Variants in TMEM63B observed in about 807,000 individuals in gnomAD.
TMEM63B encodes transmembrane protein 63B.
A neutral mutation model predicts 102.6 loss-of-function variants in TMEM63B; 23 were observed. The ratio of observed to expected loss-of-function variants is 0.22; its 90% CI spans 0.16 to 0.32. The LOEUF (loss-of-function observed/expected upper bound fraction) is 0.32, where lower values mean the gene tolerates loss of function less well. Ranked by LOEUF, TMEM63B falls within the 10% of genes least tolerant of loss-of-function variation. TMEM63B has a pLI of 1.00. For synonymous variants in TMEM63B, 444 were observed against 437.0 expected, an observed-to-expected ratio of 1.02 and a Z score of -0.20; for missense variants, 628 against 1,095.9, an observed-to-expected ratio of 0.57 and a Z score of 6.03.
chr6:44,149,818 C>G (rs1396353244), intron 15 of TMEM63B, 41 bp from the exon 16 acceptor site: 2 of 1,548,118 alleles, frequency 1.3e-6, no homozygotes, highest in Non-Finnish European at 1.8e-6. Flanking sequence ...CCTGGGCCCC[C>G]TAGACTGCCC....
chr6:44,149,066 A>G lies in TMEM63B; in HGVS notation c.1413+121A>G, dbSNP rs1766016272. ...TGCTTGTTCCAACCCCGTGCCACCA[A>G]CCAGCTCCCAAAAACCCCTGTGTGC... On this transcript the variant is annotated intron_variant, in intron 15 of 23. Transcript: ENST00000323267. 1.1e-5 allele frequency: 17 copies of G among 1,489,176 alleles called. No homozygotes were observed. The South Asian group carries it at 1.4e-4, about 12-fold the overall frequency. 92.2% of individuals were successfully genotyped at this position (1,489,176 alleles called of 1,614,324 possible). A position where few individuals can be genotyped will look rare whatever the true frequency, so the allele number is the denominator to read the frequency against.
chr6:44,128,531 G>A (rs1005950238), intron 1 of TMEM63B, among the ~76,000 whole-genome samples: 2 of 152,274 alleles, frequency 1.3e-5, no homozygotes, highest in African/African-American at 4.8e-5. Context: ...TTGGGAAGTG[G>A]GGAGGAGAGG....
intron 10 of TMEM63B, among the ~76,000 whole-genome samples, chr6:44,143,757 A>G (rs1755358245): frequency 6.6e-6 from 1 of 152,090 alleles, no homozygotes; most frequent in African/African-American, 2.4e-5. Context: ...AAGAAGAGGT[A>G]GGTGCTAAGA....
In TMEM63B at chr6:44,150,102, C is replaced by A; in HGVS notation, c.1521-122C>A. 2 of 1,320,904 alleles carry A rather than the reference C, an allele frequency of 1.5e-6. No homozygotes were observed. The highest frequency in any genetic ancestry group is 2.4e-5 in the East Asian group (1 of 40,940). The allele number at this position is 1,320,904 out of a possible 1,614,324, so 81.8% of individuals were successfully genotyped here. On this transcript the variant is annotated intron_variant, in intron 16 of 23. Coordinates refer to ENST00000323267, the MANE Select transcript of TMEM63B (RefSeq NM_018426.3). This position sits in a 1 kb window ranked among gnomAD's most constrained non-coding sequence, Gnocchi z 4.7. ...GGTAGGGAAGGGGTAGTGCCCAGCACCCTCACCTTGGGAGGCCCACCCTTC... is the reference window on the plus strand; with the variant it reads ...GGTAGGGAAGGGGTAGTGCCCAGCAACCTCACCTTGGGAGGCCCACCCTTC...
Position 44,154,979 on chromosome 6 carries a change from T to G in TMEM63B, c.*96T>G. ...AATAATTTATTAGATCTAAAGCCCC[T>G]TCCTCCCCAGCCCCTGCTTTCATTA... On this transcript the variant is annotated 3_prime_UTR_variant, in exon 24 of 24. Coordinates refer to ENST00000323267, the MANE Select transcript of TMEM63B (RefSeq NM_018426.3). 8.6e-7 allele frequency: 1 copy of G among 1,160,996 alleles called. No homozygotes were observed. The highest frequency in any genetic ancestry group is 1.2e-6 in the Non-Finnish European group (1 of 860,460). The allele number at this position is 1,160,996 out of a possible 1,614,324, so 71.9% of individuals were successfully genotyped here.
chr6:44,145,192 T>G (rs752336804), intron 10 of TMEM63B, among the ~76,000 whole-genome samples: 4 of 151,244 alleles, frequency 2.6e-5, no homozygotes, highest in Non-Finnish European at 4.4e-5. Flanking sequence ...GGGGAATCAC[T>G]TGAACCCAAG....
At chr6:44,129,365 C>CAAA (rs11331641) in intron 1 of TMEM63B, among the ~76,000 whole-genome samples, 1 of 103,150 alleles carries the variant, frequency 9.7e-6, no homozygotes, top group Non-Finnish European at 2.0e-5. Flanking sequence ...AAGACTGTCT[C>CAAA]AAAAAAAAAA....
chr6:44,150,399 A>T lies in TMEM63B; in HGVS notation c.1607+89A>T. On this transcript the variant is annotated intron_variant, in intron 17 of 23. Coordinates refer to ENST00000323267, the MANE Select transcript of TMEM63B (RefSeq NM_018426.3). This position sits in a 1 kb window ranked among gnomAD's most constrained non-coding sequence, Gnocchi z 4.7. ...AGTTCAGCCTCCCTACCTCCCCTAC[A>T]AAGCAAGGGGCCCAAGATGGGAAGC... 1 of 1,482,584 alleles carries T rather than the reference A, an allele frequency of 6.7e-7. No individual in the cohort carries two copies. The highest frequency in any genetic ancestry group is 1.1e-5 in the South Asian group (1 of 87,668). 91.8% of individuals were successfully genotyped at this position (1,482,584 alleles called of 1,614,324 possible).
Position 44,138,736 on chromosome 6 carries a change from G to GCCCCCCCCCCAC in TMEM63B, c.407+226_407+227insCCCACCCCCCCC. 3.9e-5 allele frequency: 11 copies of GCCCCCCCCCCAC among 280,536 alleles called. 1 individual carries two copies. Among genetic ancestry groups the GCCCCCCCCCCAC allele is most frequent in the South Asian group, 3.8e-4 (11 of 28,632 alleles). 17.4% of individuals were successfully genotyped at this position (280,536 alleles called of 1,614,324 possible). ...TAATCTCCTCTGTGACCCCCTGCCG[G>GCCCCCCCCCCAC]CCCCCCCGCTTCTCTCCCTGCCCTG... On this transcript the variant is annotated intron_variant, in intron 6 of 23. Transcript: ENST00000323267.
intron 1 of TMEM63B, among the ~76,000 whole-genome samples, chr6:44,133,493 C>A (rs1466139702): frequency 6.6e-6 from 1 of 152,176 alleles, no homozygotes; most frequent in Non-Finnish European, 1.5e-5. Flanking sequence ...GCAGAAGGGT[C>A]CCCCAGGGAC....
chr6:44,128,930 C>G (rs1777761337), intron 1 of TMEM63B, among the ~76,000 whole-genome samples: 2 of 152,222 alleles, frequency 1.3e-5, no homozygotes, highest in African/African-American at 4.8e-5. Flanking sequence ...CATGGCAAGG[C>G]AGAAGGCAGG....
intron 18 of TMEM63B, 31 bp from the exon 19 acceptor site, chr6:44,151,815 G>A (rs1173317702): frequency 1.9e-6 from 3 of 1,572,608 alleles, no homozygotes; most frequent in Non-Finnish European, 2.6e-6. Context: ...TCACCCCAAG[G>A]GTGCAGTGCT....
chr6:44,149,930 C>T lies in TMEM63B; in HGVS notation c.1485C>T (p.Val495=), dbSNP rs1310519792. ...TCTCGGCCCTCCTTCCCACCATCGTCTACTACTCAGCCTTCTTTGAAGCCC... is the reference window on the plus strand; with the variant it reads ...TCTCGGCCCTCCTTCCCACCATCGTTTACTACTCAGCCTTCTTTGAAGCCC... The part of the protein sequence containing the change: ...WCFSALLPTI[V]YYSAFFEAHW... Residue 495 remains valine (V), a synonymous_variant, in exon 16 of 24, where the codon GTC becomes GTT. Transcript: ENST00000323267. 4 of 1,613,680 alleles carry T rather than the reference C, an allele frequency of 2.5e-6. No homozygotes were observed. In the African/African-American group the frequency reaches 4.0e-5, roughly 16 times the overall value.
At chr6:44,136,535 A>G in intron 5 of TMEM63B, 96 bp downstream of exon 5, 2 of 892,378 alleles carry the variant, frequency 2.2e-6, no homozygotes, top group Non-Finnish European at 3.5e-6. Flanking sequence ...GGAGTCAGGG[A>G]TGCTGGTTTG....
At chr6:44,128,542 T>A (rs767564481) in intron 1 of TMEM63B, among the ~76,000 whole-genome samples, 1 of 152,062 alleles carries the variant, frequency 6.6e-6, no homozygotes, top group Non-Finnish European at 1.5e-5. Context: ...GGAGGAGAGG[T>A]CAGAGGGGCT....
At chr6:44,140,126 G>A in intron 8 of TMEM63B, 126 bp from the exon 9 acceptor site, 1 of 742,618 alleles carries the variant, frequency 1.3e-6, no homozygotes, top group Non-Finnish European at 2.2e-6. Flanking sequence ...AGGAGTCAGT[G>A]CCAGAAGGCT....
intron 15 of TMEM63B, 105 bp from the exon 16 acceptor site, chr6:44,149,754 T>G (rs1766195637): frequency 5.3e-5 from 45 of 854,658 alleles, no homozygotes; most frequent in East Asian, 8.1e-5. Flanking sequence ...ATGGGAGCCC[T>G]GAGAGTTGTG....
In TMEM63B at chr6:44,148,350, C is replaced by T. The variant is rs138059075; in HGVS notation, c.1086C>T (p.Ala362=). The T allele has an allele frequency of 3.7e-6, 6 of 1,614,132 alleles. No individual in the cohort carries two copies. Among genetic ancestry groups the T allele is most frequent in the Non-Finnish European group, 5.1e-6 (6 of 1,180,054 alleles). The change falls in exon 13 of 24, where the codon GCC becomes GCT. Residue 362 remains alanine, a synonymous_variant. Transcript: ENST00000323267. This position sits in a 1 kb window ranked among gnomAD's most constrained non-coding sequence, Gnocchi z 5.1. ...TGAATGAGAAGCCTCTTGGCATGGCCTTTGTCACCTTCCACAATGAGACTA... is the reference window on the plus strand; with the variant it reads ...TGAATGAGAAGCCTCTTGGCATGGCTTTTGTCACCTTCCACAATGAGACTA... ...EKVNEKPLGM[A]FVTFHNETIT...
chr6:44,151,888 C>T lies in TMEM63B; in HGVS notation c.1716C>T (p.Tyr572=). 6.2e-7 allele frequency: 1 copy of T among 1,613,270 alleles called. No individual in the cohort carries two copies. The highest frequency in any genetic ancestry group is 8.5e-7 in the Non-Finnish European group (1 of 1,179,680). Residue 572 remains tyrosine (Y), a synonymous_variant, in exon 19 of 24, where the codon TAC becomes TAT. Coordinates refer to ENST00000323267, the MANE Select transcript of TMEM63B (RefSeq NM_018426.3). The part of the protein sequence containing the change: ...LPDNGAFFVN[Y]VIASAFIGNA... ...ACAACGGCGCCTTCTTCGTGAACTA[C>T]GTCATTGCCTCAGCCTTTATCGGCA...
Sources: allele counts gnomAD v4.1 joint callset (sites outside exome capture counted in the v4.1 genomes callset), GRCh38; gene constraint gnomAD v4.1.1; non-coding constraint Gnocchi (gnomAD v3.1); transcripts MANE v1.5; gene names NCBI Gene and HGNC (gene_info 2026-07-23, HGNC 2026-07-21).